The following CADPS2 variants were observed in gnomAD, a reference collection of about 807,000 sequenced individuals.
The protein encoded by CADPS2 is calcium dependent secretion activator 2.
Under a neutral mutation model 172.5 loss-of-function variants are expected in CADPS2, and 93 were observed. The ratio of observed to expected loss-of-function variants is 0.54; its 90% confidence interval spans 0.46 to 0.64. The LOEUF is 0.64. CADPS2 is among the 30% of genes least tolerant of loss of function. The pLI is 0.00. For missense variants in CADPS2, 1,420 were observed against 1,565.9 expected (o/e 0.91, Z 1.57); for synonymous variants, 546 against 555.2 (o/e 0.98, Z 0.23).
Position 122,506,868 on chromosome 7 carries a change from T to C in CADPS2, c.1542+6381A>G, listed in dbSNP as rs73433715. 7.4e-3 allele frequency among the ~76,000 whole-genome samples: 1,129 copies of C among 152,216 alleles called. 11 individuals are homozygous for C. Among genetic ancestry groups the C allele is most frequent in the Middle Eastern group, 0.027 (8 of 292 alleles). On this transcript the variant is annotated intron_variant, in intron 9 of 29. Coordinates refer to ENST00000449022, the MANE Select transcript of CADPS2 (RefSeq NM_017954.11). ...CCAAATGGTGTAAAAAGAGTTAGTA[T>C]TCGGTGTACAAATTAGAGAAAGAAA...
At chr7:122,572,865 C>T (rs903985539) in intron 7 of CADPS2, among the ~76,000 whole-genome samples, 12 of 152,126 alleles carry the variant, frequency 7.9e-5, no homozygotes, top group African/African-American at 2.9e-4. Context: ...TCCCTTAGCA[C>T]CTGGTGGAGG....
intron 2 of CADPS2, chr7:122,698,680 C>T (rs769856521): frequency 3.1e-6 from 5 of 1,613,936 alleles, no homozygotes; most frequent in Non-Finnish European, 3.4e-6. Flanking sequence ...TTGGATTTTT[C>T]CCTCTGGTGG....
At chr7:122,668,797 T>C (rs1198921233) in intron 2 of CADPS2, among the ~76,000 whole-genome samples, 2 of 152,194 alleles carry the variant, frequency 1.3e-5, no homozygotes, top group Admixed American at 1.3e-4. Flanking sequence ...ACTGGAGTGG[T>C]GAAGAGGAGA....
chr7:122,702,698 AG>A (rs1307830463), intron 2 of CADPS2: 1 of 1,612,594 alleles, frequency 6.2e-7, no homozygotes, highest in Non-Finnish European at 8.5e-7. Flanking sequence ...AAGCCTCAAA[AG>A]TCCAGATGAA....
At chr7:122,407,467 T>C (rs531782947) in intron 20 of CADPS2, 73 bp downstream of exon 20, 3 of 1,486,148 alleles carry the variant, frequency 2.0e-6, no homozygotes, top group East Asian at 2.4e-5. Context: ...GAGGGCACAG[T>C]AAAAATACAT....
chr7:122,849,533 G>A (rs1219612163), intron 1 of CADPS2, among the ~76,000 whole-genome samples: 4 of 152,076 alleles, frequency 2.6e-5, no homozygotes, highest in Admixed American at 1.3e-4. Context: ...CCAGCTGTCC[G>A]CAACATCTTT....
At chr7:122,581,074 T>C in intron 7 of CADPS2, 105 bp downstream of exon 7, 1 of 750,192 alleles carries the variant, frequency 1.3e-6, no homozygotes, top group Non-Finnish European at 2.3e-6. Flanking sequence ...TTTTATGTAA[T>C]TTATGAACAT....
intron 1 of CADPS2, among the ~76,000 whole-genome samples, chr7:122,737,644 A>C (rs533348890): frequency 6.6e-6 from 1 of 152,178 alleles, no homozygotes; most frequent in African/African-American, 2.4e-5. Flanking sequence ...TTTCTACCCC[A>C]AGTTTCTATC....
intron 1 of CADPS2, among the ~76,000 whole-genome samples, chr7:122,788,822 C>T (rs531626850): frequency 1.2e-4 from 18 of 152,266 alleles, no homozygotes; most frequent in African/African-American, 4.3e-4. Context: ...TTGTTCCTTG[C>T]GTTCATTTGG....
chr7:122,765,483 G>A (rs2093518418), intron 1 of CADPS2, among the ~76,000 whole-genome samples: 1 of 152,116 alleles, frequency 6.6e-6, no homozygotes, highest in African/African-American at 2.4e-5. Context: ...TGAATCACAA[G>A]TGCCTATCTA....
chr7:122,808,014 G>T (rs1799166203), intron 1 of CADPS2, among the ~76,000 whole-genome samples: 1 of 152,124 alleles, frequency 6.6e-6, no homozygotes. Flanking sequence ...CTAAACAGAG[G>T]CACAGTACCC....
intron 5 of CADPS2, 109 bp downstream of exon 5, chr7:122,621,372 A>G (rs1036871872): frequency 3.1e-5 from 23 of 733,162 alleles, no homozygotes; most frequent in Non-Finnish European, 4.8e-5. Context: ...AACATCTCCA[A>G]CATATATTAC....
rs13311291 is a variant in CADPS2, at chr7:122,817,094, G to C, written c.339+68905C>G. On this transcript the variant is annotated intron_variant, in intron 1 of 29. Transcript: ENST00000449022. Reference sequence around the variant, plus strand: ...TTCGCTAACTCTCTTTTCAGACTCAGCCCGCCTGCACCCAGGTGAAATAAG... The same window carrying C: ...TTCGCTAACTCTCTTTTCAGACTCACCCCGCCTGCACCCAGGTGAAATAAG... Among the ~76,000 whole-genome samples, 583 of 148,384 alleles carry C rather than the reference G, an allele frequency of 3.9e-3. 9 individuals are homozygous for C. Among genetic ancestry groups the C allele is most frequent in the African/African-American group, 0.014 (551 of 38,048 alleles).
chr7:122,331,307 G>A (rs2034908251), intron 28 of CADPS2, among the ~76,000 whole-genome samples: 1 of 152,028 alleles, frequency 6.6e-6, no homozygotes, highest in Admixed American at 6.6e-5. Flanking sequence ...AATTATAAAG[G>A]CATCTGATAT....
At chr7:122,504,430 G>C (rs1294700186) in intron 9 of CADPS2, among the ~76,000 whole-genome samples, 2 of 152,050 alleles carry the variant, frequency 1.3e-5, no homozygotes, top group Non-Finnish European at 2.9e-5. Flanking sequence ...GATTGACTTG[G>C]GGATTGAACT....
chr7:122,481,979 C>T (rs1203840877), intron 11 of CADPS2, among the ~76,000 whole-genome samples: 1 of 152,088 alleles, frequency 6.6e-6, no homozygotes, highest in Admixed American at 6.6e-5. Flanking sequence ...TTCAGTGAGG[C>T]GAGATGGCAC....
intron 14 of CADPS2, among the ~76,000 whole-genome samples, chr7:122,455,051 G>A (rs1156651591): frequency 6.6e-6 from 1 of 152,076 alleles, no homozygotes; most frequent in African/African-American, 2.4e-5. Flanking sequence ...CAAGGTAAAA[G>A]CCAAAGCCTT....
intron 24 of CADPS2, among the ~76,000 whole-genome samples, chr7:122,385,630 C>A (rs1339991444): frequency 6.6e-6 from 1 of 152,016 alleles, no homozygotes; most frequent in African/African-American, 2.4e-5. Context: ...TAACCTTGTA[C>A]CTCAGGGATT....
At position 122,556,737 on chromosome 7, in the gene CADPS2, A is replaced by C. The variant is rs554032695; in HGVS notation, c.1336-2048T>G. 2.6e-5 allele frequency among the ~76,000 whole-genome samples: 4 copies of C among 152,262 alleles called. No individual in the cohort carries two copies. The South Asian group carries it at 8.3e-4, about 32-fold the overall frequency. On this transcript the variant is annotated intron_variant, in intron 7 of 29. Transcript: ENST00000449022. ...TTTATTGCTCAGCTCTGTTCAATTAAATAAACACTGAGTTCTTACTATGTG... is the reference window on the plus strand; with the variant it reads ...TTTATTGCTCAGCTCTGTTCAATTACATAAACACTGAGTTCTTACTATGTG...
Sources: gnomAD v4.1 joint callset for allele counts (sites outside exome capture counted in the v4.1 genomes callset) on GRCh38, gnomAD v4.1.1 for gene constraint, MANE v1.5 for transcripts, NCBI Gene and HGNC (gene_info 2026-07-23, HGNC 2026-07-21) for gene names.